KCNH7: variants seen among roughly 807,000 people sequenced by gnomAD.
KCNH7 encodes the protein voltage-gated inwardly rectifying potassium channel KCNH7.
A neutral mutation model predicts 120.8 loss-of-function variants in KCNH7; 49 were observed. That is an observed-to-expected ratio of 0.41 (90% confidence interval 0.32 to 0.51). The LOEUF is 0.51. Among genes scored for constraint, KCNH7 ranks in the 20% least tolerant of loss-of-function variants. The pLI, the probability that KCNH7 is intolerant of heterozygous loss-of-function variation, is 0.38. For synonymous variants in KCNH7, 547 were observed against 516.1 expected (o/e 1.06, Z -0.81); for missense variants, 1,097 against 1,446.6 (o/e 0.76, Z 3.92).
intron 2 of KCNH7, among the ~76,000 whole-genome samples, chr2:162,645,617 A>T (rs1684330486): frequency 6.6e-6 from 1 of 152,166 alleles, no homozygotes; most frequent in South Asian, 2.1e-4. Flanking sequence ...AAATCTTGGG[A>T]AACTTTATCT....
At chr2:162,638,758 T>C (rs968583791) in intron 2 of KCNH7, among the ~76,000 whole-genome samples, 1 of 152,062 alleles carries the variant, frequency 6.6e-6, no homozygotes, top group Admixed American at 6.6e-5. Flanking sequence ...TAATAAATAA[T>C]TGAAAGCATA....
At chr2:162,623,289 A>G (rs192646614) in intron 2 of KCNH7, among the ~76,000 whole-genome samples, 36 of 152,278 alleles carry the variant, frequency 2.4e-4, no homozygotes, top group African/African-American at 8.4e-4. Flanking sequence ...ATATTTCAAA[A>G]AACTGTTTGC....
chr2:162,567,016 T>C (rs1246755146), intron 2 of KCNH7, among the ~76,000 whole-genome samples: 1 of 152,030 alleles, frequency 6.6e-6, no homozygotes, highest in Non-Finnish European at 1.5e-5. Context: ...GCAGGCCTGT[T>C]AGTATACCTG....
At chr2:162,483,540 T>G (rs1689998156) in intron 6 of KCNH7, among the ~76,000 whole-genome samples, 1 of 149,732 alleles carries the variant, frequency 6.7e-6, no homozygotes, top group South Asian at 2.1e-4. Flanking sequence ...TATTCTTTGT[T>G]TTTTTTTTTA....
chr2:162,417,231 G>A (rs936398822), intron 9 of KCNH7, among the ~76,000 whole-genome samples: 6 of 152,120 alleles, frequency 3.9e-5, no homozygotes, highest in Non-Finnish European at 7.4e-5. Flanking sequence ...TTTAAGAAAT[G>A]CTGAGTTATT....
intron 14 of KCNH7, among the ~76,000 whole-genome samples, chr2:162,373,926 A>G (rs1475782308): frequency 6.6e-6 from 1 of 152,194 alleles, no homozygotes; most frequent in Non-Finnish European, 1.5e-5. Context: ...CATGTTTACT[A>G]ACCTTCATTG....
At chr2:162,551,011 A>G (rs982780267) in intron 2 of KCNH7, among the ~76,000 whole-genome samples, 20 of 152,136 alleles carry the variant, frequency 1.3e-4, no homozygotes, top group African/African-American at 2.2e-4. Flanking sequence ...TGACTTTCCA[A>G]GATTAAATTC....
intron 2 of KCNH7, among the ~76,000 whole-genome samples, chr2:162,711,249 C>G (rs1686920243): frequency 6.6e-6 from 1 of 152,204 alleles, no homozygotes; most frequent in Admixed American, 6.5e-5. Flanking sequence ...TAGATGTTAT[C>G]ATCCGGCCTT....
intron 6 of KCNH7, among the ~76,000 whole-genome samples, chr2:162,480,551 C>A (rs754172114): frequency 3.3e-5 from 5 of 152,148 alleles, no homozygotes; most frequent in Non-Finnish European, 7.4e-5. Flanking sequence ...ATTCAAGATG[C>A]AAATATATCC....
chr2:162,427,102 C>A (rs1687889101), intron 8 of KCNH7, among the ~76,000 whole-genome samples: 1 of 151,726 alleles, frequency 6.6e-6, no homozygotes, highest in Admixed American at 6.6e-5. Context: ...GGCTATACCA[C>A]AGTTTGTTTA....
At chr2:162,545,078 A>G (rs902979499) in intron 2 of KCNH7, among the ~76,000 whole-genome samples, 2 of 152,128 alleles carry the variant, frequency 1.3e-5, no homozygotes, top group African/African-American at 4.8e-5. Flanking sequence ...AGCAGAAGCA[A>G]GCTTTGAACT....
intron 2 of KCNH7, among the ~76,000 whole-genome samples, chr2:162,539,804 G>T (rs561080650): frequency 2.9e-4 from 44 of 152,038 alleles, no homozygotes; most frequent in Non-Finnish European, 5.6e-4. Flanking sequence ...TTTAGTTTGG[G>T]GATTTAATAT....
intron 2 of KCNH7, among the ~76,000 whole-genome samples, chr2:162,835,304 G>T (rs1685620331): frequency 6.6e-6 from 1 of 152,028 alleles, no homozygotes; most frequent in East Asian, 1.9e-4. Context: ...TAGTAATTAA[G>T]AATTGTACAT....
At chr2:162,598,384 G>A (rs939484659) in intron 2 of KCNH7, among the ~76,000 whole-genome samples, 1 of 151,894 alleles carries the variant, frequency 6.6e-6, no homozygotes, top group Non-Finnish European at 1.5e-5. Context: ...CTAATTTGAT[G>A]GAAAAGTGAT....
At chr2:162,810,699 T>A (rs952991237) in intron 2 of KCNH7, among the ~76,000 whole-genome samples, 3 of 152,184 alleles carry the variant, frequency 2.0e-5, no homozygotes, top group African/African-American at 4.8e-5. Flanking sequence ...TTTTTAAATT[T>A]TAAAATGCTT....
intron 2 of KCNH7, among the ~76,000 whole-genome samples, chr2:162,818,005 C>T (rs960684279): frequency 6.6e-6 from 1 of 151,906 alleles, no homozygotes; most frequent in Non-Finnish European, 1.5e-5. Flanking sequence ...TAAATATTAT[C>T]TGTCAGTCTG....
chr2:162,686,327 G>A (rs943812099), intron 2 of KCNH7, among the ~76,000 whole-genome samples: 4 of 152,004 alleles, frequency 2.6e-5, no homozygotes, highest in Non-Finnish European at 4.4e-5. Flanking sequence ...TTAACTTCTC[G>A]GCCAAGCAGA....
At chr2:162,384,008 C>T (rs917931955) in intron 13 of KCNH7, among the ~76,000 whole-genome samples, 3 of 151,584 alleles carry the variant, frequency 2.0e-5, no homozygotes, top group Non-Finnish European at 2.9e-5. Flanking sequence ...ATAGATCTAG[C>T]CTCTGGTATG....
At chr2:162,825,951 T>G (rs1393485466) in intron 2 of KCNH7, among the ~76,000 whole-genome samples, 3 of 152,042 alleles carry the variant, frequency 2.0e-5, no homozygotes, top group African/African-American at 4.8e-5. Flanking sequence ...AAGATTATGG[T>G]TTTTTTTCTA....
Sources: allele counts gnomAD v4.1 joint callset (sites outside exome capture counted in the v4.1 genomes callset), GRCh38; gene constraint gnomAD v4.1.1; transcripts MANE v1.5; gene names NCBI Gene and HGNC (gene_info 2026-07-23, HGNC 2026-07-21).